The following DHX57 variants were observed in gnomAD, a reference collection of about 807,000 sequenced individuals.
DHX57 encodes the protein putative ATP-dependent RNA helicase DHX57.
DHX57 carries 105 observed loss-of-function variants against 156.2 expected under a neutral mutation model. The observed-to-expected ratio is 0.67, with a 90% CI of 0.57 to 0.79. DHX57 has a LOEUF of 0.79. Among genes scored for constraint, DHX57 ranks in the 30% least tolerant of loss-of-function variants. The probability of loss-of-function intolerance (pLI) is 0.00; values close to 1 mark genes in which losing one functional copy is unlikely to be tolerated. For synonymous variants in DHX57, 704 were observed against 595.6 expected, an observed-to-expected ratio of 1.18 and a Z score of -2.65; for missense variants, 1,847 against 1,661.9, an observed-to-expected ratio of 1.11 and a Z score of -1.94.
intron 1 of DHX57, among the ~76,000 whole-genome samples, chr2:38,873,754 G>A (rs540126027): frequency 3.3e-5 from 5 of 152,268 alleles, no homozygotes; most frequent in African/African-American, 9.6e-5. Context: ...GCTTCATGAA[G>A]CTTACCTTCT....
chr2:38,863,061 C>A, intron 3 of DHX57: 2 of 248,598 alleles, frequency 8.0e-6, no homozygotes, highest in Non-Finnish European at 1.5e-5. Context: ...AACACTACTT[C>A]TACTTGTTCA....
At chr2:38,804,849 G>C (rs1298979104) in intron 22 of DHX57, among the ~76,000 whole-genome samples, 1 of 152,110 alleles carries the variant, frequency 6.6e-6, no homozygotes, top group Non-Finnish European at 1.5e-5. Flanking sequence ...GTTCTTCCCT[G>C]ACCACCCCAC....
At position 38,825,906 on chromosome 2, in the gene DHX57, C is replaced by G. The variant is rs1253859289; in HGVS notation, c.2955G>C (p.Gln985His). The G allele has an allele frequency of 3.1e-6, 5 of 1,614,142 alleles. No homozygotes were observed. In the East Asian group the frequency reaches 8.9e-5, roughly 29 times the overall value. Residue 985 changes from glutamine to histidine, a missense_variant, in exon 16 of 24, where the codon CAG becomes CAC. Gln to His is a conservative substitution (Grantham distance 24). Coordinates refer to ENST00000457308, the MANE Select transcript of DHX57 (RefSeq NM_198963.3). The stretch of plus-strand genomic sequence containing the variant: ...TTTCTGGTAGCTGTTGTTTTAAAAG[C>G]TGGTGATTGTAGTGATGGCTAGTGA... ...HLFTSHHYNH[Q>H]LLKQQLPEIQ...
chr2:38,839,971 G>C (rs191208577), intron 12 of DHX57, among the ~76,000 whole-genome samples: 498 of 152,256 alleles, frequency 3.3e-3, no homozygotes, highest in Middle Eastern at 6.8e-3. Flanking sequence ...TATTGAGACA[G>C]GGTCTCACTC....
chr2:38,836,476 AAGAATAC>A (rs1368627107), intron 13 of DHX57, among the ~76,000 whole-genome samples: 1 of 152,244 alleles, frequency 6.6e-6, no homozygotes, highest in East Asian at 1.9e-4. Context: ...ACTTTACTGT[AAGAATAC>A]AGTATGTACA....
intron 11 of DHX57, 138 bp from the exon 12 acceptor site, chr2:38,843,348 G>A (rs1672110468): frequency 4.8e-6 from 4 of 835,466 alleles, no homozygotes; most frequent in Admixed American, 4.6e-5. Context: ...ACCAGTCCAG[G>A]ATTCTGGCTG....
chr2:38,840,818 C>T (rs1348049327), intron 12 of DHX57, among the ~76,000 whole-genome samples: 1 of 151,958 alleles, frequency 6.6e-6, no homozygotes, highest in South Asian at 2.1e-4. Flanking sequence ...TTGAAAGAAG[C>T]CAAAGGGATT....
chr2:38,812,436 T>G (rs1357052732), intron 21 of DHX57, among the ~76,000 whole-genome samples: 2 of 152,204 alleles, frequency 1.3e-5, no homozygotes, highest in African/African-American at 4.8e-5. Flanking sequence ...TGGTGCCTTG[T>G]TAGGGATGGA....
chr2:38,802,614 G>T, intron 23 of DHX57, 101 bp downstream of exon 23: 1 of 1,417,708 alleles, frequency 7.1e-7, no homozygotes, highest in Non-Finnish European at 9.6e-7. Context: ...AATTAGCTCT[G>T]TTACCTTGGT....
intron 19 of DHX57, chr2:38,816,276 G>A (rs1006739449): frequency 2.0e-5 from 9 of 457,504 alleles, no homozygotes; most frequent in Non-Finnish European, 3.5e-5. Flanking sequence ...GTGCAGTGGC[G>A]CAATCTTGGC....
At chr2:38,827,587 C>G (rs1238025142) in intron 14 of DHX57, among the ~76,000 whole-genome samples, 2 of 143,338 alleles carry the variant, frequency 1.4e-5, no homozygotes, top group Non-Finnish European at 3.0e-5. Flanking sequence ...TACACACACA[C>G]AGAGAAGACA....
chr2:38,801,066 G>A (rs1669657199), intron 23 of DHX57, among the ~76,000 whole-genome samples: 1 of 152,050 alleles, frequency 6.6e-6, no homozygotes, highest in East Asian at 1.9e-4. Flanking sequence ...TTTTAAAAAT[G>A]TGGCTACTAG....
At position 38,825,892 on chromosome 2, in the gene DHX57, T is replaced by C. The variant is rs1253959108; in HGVS notation, c.2969A>G (p.Gln990Arg). 2.5e-6 allele frequency: 4 copies of C among 1,614,078 alleles called. No homozygotes were observed. The African/African-American group carries it at 5.3e-5, about 22-fold the overall frequency. Residue 990 changes from glutamine to arginine, a missense_variant, in exon 16 of 24, where the codon CAG (glutamine) becomes CGG (arginine). Coordinates refer to ENST00000457308, the MANE Select transcript of DHX57 (RefSeq NM_198963.3). The part of the protein sequence containing the change: ...HHYNHQLLKQ[Q>R]LPEIQRVPLE... ...TGGCACTCTTTGTATTTCTGGTAGC[T>C]GTTGTTTTAAAAGCTGGTGATTGTA...
chr2:38,868,178 T>C lies in DHX57; in HGVS notation c.224+4A>G, dbSNP rs770576672. On this transcript the variant is annotated splice_donor_region_variant and intron_variant, in intron 2 of 23. Coordinates refer to ENST00000457308, the MANE Select transcript of DHX57 (RefSeq NM_198963.3). ...TATTTAAACATTCAAAGAGTTATAA[T>C]GACCTGGAAGGGCGCCTTGATTCAC... is the stretch of plus-strand genomic sequence containing the variant. 1.2e-6 allele frequency: 2 copies of C among 1,613,608 alleles called. No individual in the cohort carries two copies. Among genetic ancestry groups the C allele is most frequent in the Non-Finnish European group, 1.7e-6 (2 of 1,179,834 alleles).
intron 9 of DHX57, among the ~76,000 whole-genome samples, chr2:38,850,452 G>A (rs1672525483): frequency 6.6e-6 from 1 of 151,856 alleles, no homozygotes; most frequent in African/African-American, 2.4e-5. Context: ...AGTAGAGATG[G>A]TGTCTCCCTA....
intron 2 of DHX57, among the ~76,000 whole-genome samples, chr2:38,864,765 A>G (rs1238590371): frequency 2.6e-5 from 4 of 152,150 alleles, no homozygotes. Context: ...GCTCCCTTAT[A>G]GTAAAACTTC....
chr2:38,846,880 G>A (rs1007490269), intron 11 of DHX57, 139 bp downstream of exon 11: 7 of 515,744 alleles, frequency 1.4e-5, no homozygotes, highest in African/African-American at 7.9e-5. Flanking sequence ...AATAGATGGG[G>A]GTCCCAATAT....
chr2:38,815,162 G>A (rs754364921), intron 20 of DHX57, among the ~76,000 whole-genome samples: 7 of 151,914 alleles, frequency 4.6e-5, no homozygotes, highest in Non-Finnish European at 7.4e-5. Flanking sequence ...TGCTTCCTGG[G>A]ATCACATCAT....
At chr2:38,837,617 A>AAAAAAAAAAAAAAAAG in intron 13 of DHX57, among the ~76,000 whole-genome samples, 1 of 149,800 alleles carries the variant, frequency 6.7e-6, no homozygotes, top group Non-Finnish European at 1.5e-5. Context: ...GTCTCAAAAA[A>AAAAAAAAAAAAAAAAG]AAAAAAAGAT....
Sources: allele counts gnomAD v4.1 joint callset (sites outside exome capture counted in the v4.1 genomes callset), GRCh38; gene constraint gnomAD v4.1.1; transcripts MANE v1.5; gene names NCBI Gene and HGNC (gene_info 2026-07-23, HGNC 2026-07-21).